ZNF214: variants seen among roughly 807,000 people sequenced by gnomAD.
The protein encoded by ZNF214 is zinc finger protein 214.
ZNF214 carries 43 observed loss-of-function variants against 53.9 expected under a neutral mutation model. That is an observed-to-expected ratio of 0.80 (90% confidence interval 0.63 to 1.03). The LOEUF (loss-of-function observed/expected upper bound fraction) is 1.03, where lower values mean the gene tolerates loss of function less well. Ranked by LOEUF, ZNF214 falls within the 50% of genes least tolerant of loss-of-function variation. The pLI, the probability that ZNF214 is intolerant of heterozygous loss-of-function variation, is 0.00. For missense variants in ZNF214, 724 were observed against 719.1 expected (o/e 1.01, Z -0.08); for synonymous variants, 217 against 229.5 (o/e 0.95, Z 0.49).
At chr11:7,012,448 TG>T (rs367868695) in intron 1 of ZNF214, among the ~76,000 whole-genome samples, 58 of 151,742 alleles carry the variant, frequency 3.8e-4, no homozygotes, top group African/African-American at 1.4e-3. Flanking sequence ...ATGGAATTAA[TG>T]AAAAAAAAGA....
chr11:6,997,728 A>ATTTTTCT lies in ZNF214; in HGVS notation c.*2133_*2134insAGAAAAA. ...GTAGCAACTAAAAACAGAAATGACC[A>ATTTTTCT]GTTAAATTTGAATTTCAAATGTATG... On this transcript the variant is annotated 3_prime_UTR_variant, in exon 3 of 3. Coordinates refer to ENST00000278314, the MANE Select transcript of ZNF214 (RefSeq NM_013249.4). 6.6e-6 allele frequency among the ~76,000 whole-genome samples: 1 copy of ATTTTTCT among 151,984 alleles called. No homozygotes were observed. Among genetic ancestry groups the ATTTTTCT allele is most frequent in the East Asian group, 1.9e-4 (1 of 5,178 alleles).
chr11:7,009,178 A>T (rs1227451590), intron 1 of ZNF214, among the ~76,000 whole-genome samples: 2 of 152,154 alleles, frequency 1.3e-5, no homozygotes, highest in African/African-American at 4.8e-5. Flanking sequence ...CTGACTTCAA[A>T]CTACAAAGCT....
rs1851231360 is a variant in ZNF214, at chr11:6,998,206, C to A, written c.*1656G>T. On this transcript the variant is annotated 3_prime_UTR_variant, in exon 3 of 3. Coordinates refer to ENST00000278314, the MANE Select transcript of ZNF214 (RefSeq NM_013249.4). ...TACTGTTGCAGAGCTCTGTATCCAC[C>A]CTCCCTTTCTGGTTTTGCAGATAAC... is the stretch of plus-strand genomic sequence containing the variant. Among the ~76,000 whole-genome samples, 1 of 151,884 alleles carries A rather than the reference C, an allele frequency of 6.6e-6. No homozygotes were observed. The highest frequency in any genetic ancestry group is 2.4e-5 in the African/African-American group (1 of 41,396).
rs538312769 is a variant in ZNF214, at chr11:7,000,036, T to G, written c.1647A>C (p.Thr549=). The G allele has an allele frequency of 2.5e-6, 4 of 1,613,386 alleles. No homozygotes were observed. The South Asian group carries it at 4.4e-5, about 18-fold the overall frequency. ...SNLHIHQRVH[T]GEKPYQCAKC... is the part of the protein sequence containing the mutation. ...TAGCACATTGATAAGGCTTCTCTCC[T>G]GTATGGACCCTCTGATGAATGTGAA... Residue 549 remains threonine, a synonymous_variant, in exon 3 of 3, where the codon ACA becomes ACC. Transcript: ENST00000278314.
At position 6,998,784 on chromosome 11, in the gene ZNF214, A is replaced by G. The variant is rs1258872131; in HGVS notation, c.*1078T>C. ...GGCAATAAGTTTCCAGGTCTTTAGG[A>G]TGATATTCTTTTCTTCAGTATTGCA... On this transcript the variant is annotated 3_prime_UTR_variant, in exon 3 of 3. Transcript: ENST00000278314. 6.6e-6 allele frequency among the ~76,000 whole-genome samples: 1 copy of G among 151,942 alleles called. No homozygotes were observed. Among genetic ancestry groups the G allele is most frequent in the Non-Finnish European group, 1.5e-5 (1 of 67,926 alleles).
chr11:7,017,740 A>C (rs925015235), intron 1 of ZNF214, among the ~76,000 whole-genome samples: 4 of 150,472 alleles, frequency 2.7e-5, no homozygotes, highest in African/African-American at 9.7e-5. Context: ...CTCCGTCTCA[A>C]AAAAAAAAAA....
intron 1 of ZNF214, among the ~76,000 whole-genome samples, chr11:7,012,764 CA>C (rs1208537267): frequency 6.6e-6 from 1 of 152,154 alleles, no homozygotes; most frequent in Non-Finnish European, 1.5e-5. Flanking sequence ...TTCAAGACGT[CA>C]GAAATAAAGT....
At chr11:7,013,654 C>T (rs1490454602) in intron 1 of ZNF214, among the ~76,000 whole-genome samples, 1 of 152,162 alleles carries the variant, frequency 6.6e-6, no homozygotes, top group Non-Finnish European at 1.5e-5. Flanking sequence ...CTGGTGTTCC[C>T]ACCTCCTTTT....
At chr11:7,006,573 C>T (rs997837577) in intron 1 of ZNF214, among the ~76,000 whole-genome samples, 1 of 151,892 alleles carries the variant, frequency 6.6e-6, no homozygotes, top group Non-Finnish European at 1.5e-5. Context: ...ACATTATTGA[C>T]CTTTTATTGT....
Position 7,012,463 on chromosome 11 carries a change from A to T in ZNF214, c.-21+7610T>A, listed in dbSNP as rs545381281. On this transcript the variant is annotated intron_variant, in intron 1 of 2. Transcript: ENST00000278314. ...ATGGAATTAATGAAAAAAAAGATGG[A>T]ATTTGAAAACATTTACCACTGTTAA... 2.6e-5 allele frequency among the ~76,000 whole-genome samples: 4 copies of T among 152,278 alleles called. No homozygotes were observed. In the South Asian group the frequency reaches 8.3e-4, roughly 32 times the overall value.
In ZNF214 at chr11:7,000,178, T is replaced by A; in HGVS notation, c.1505A>T (p.Glu502Val). ...ACGCTGACTGAATCCCTTGCCACAC[T>A]CTTCACATTTGTAGGGTTTCTCTCC... ...HTGEKPYKCE[E>V]CGKGFSQRSH... The change falls in exon 3 of 3, where the codon GAG becomes GTG. Residue 502 changes from glutamate to valine, a missense_variant. Transcript: ENST00000278314. The A allele has an allele frequency of 6.2e-7, 1 of 1,613,336 alleles. No individual in the cohort carries two copies. Among genetic ancestry groups the A allele is most frequent in the Non-Finnish European group, 8.5e-7 (1 of 1,179,592 alleles).
At chr11:7,005,516 GT>G (rs1406429244) in intron 1 of ZNF214, among the ~76,000 whole-genome samples, 1 of 152,056 alleles carries the variant, frequency 6.6e-6, no homozygotes, top group African/African-American at 2.4e-5. Context: ...TCTGGCTAAT[GT>G]TTTCTTGTGG....
chr11:7,001,086 C>A lies in ZNF214; in HGVS notation c.597G>T (p.Gln199His). The A allele has an allele frequency of 6.2e-7, 1 of 1,613,372 alleles. No homozygotes were observed. Among genetic ancestry groups the A allele is most frequent in the Non-Finnish European group, 8.5e-7 (1 of 1,179,596 alleles). ...CTTCTTGACATATCACCCCAACATA[C>A]TGTGGAAGGGCTTCCTCCACTGGGA... ...SYIPVEEALP[Q>H]YVGVICQEDL... Residue 199 changes from glutamine (Q) to histidine (H), a missense_variant, in exon 3 of 3, where the codon CAG becomes CAT. Transcript: ENST00000278314.
chr11:7,014,567 C>A (rs1268053786), intron 1 of ZNF214, among the ~76,000 whole-genome samples: 1 of 151,890 alleles, frequency 6.6e-6, no homozygotes, highest in Non-Finnish European at 1.5e-5. Flanking sequence ...TAGTTAAAAG[C>A]GCAGGAAAAA....
chr11:7,013,374 G>A (rs1276671627), intron 1 of ZNF214, among the ~76,000 whole-genome samples: 1 of 152,190 alleles, frequency 6.6e-6, no homozygotes, highest in Non-Finnish European at 1.5e-5. Context: ...GGAAACTGAG[G>A]CAGGGTTTGC....
At chr11:7,007,182 T>C (rs1258903376) in intron 1 of ZNF214, among the ~76,000 whole-genome samples, 2 of 151,514 alleles carry the variant, frequency 1.3e-5, no homozygotes, top group Admixed American at 6.6e-5. Context: ...TCAGTAGGGG[T>C]AAATAAAAGT....
intron 1 of ZNF214, among the ~76,000 whole-genome samples, chr11:7,004,660 A>C (rs933267639): frequency 6.6e-6 from 1 of 152,096 alleles, no homozygotes; most frequent in South Asian, 2.1e-4. Flanking sequence ...GGGAAAAGCT[A>C]TATGTCATGT....
intron 1 of ZNF214, chr11:7,019,697 C>T (rs1211251028): frequency 6.6e-6 from 1 of 152,238 alleles, no homozygotes; most frequent in Non-Finnish European, 1.5e-5. Flanking sequence ...AAAATGGGGG[C>T]ATGAGCCTTT....
At chr11:7,006,963 G>C (rs981807355) in intron 1 of ZNF214, among the ~76,000 whole-genome samples, 1 of 151,970 alleles carries the variant, frequency 6.6e-6, no homozygotes. Flanking sequence ...CCTTGGTGAA[G>C]TTTATTGTTA....
Sources: allele counts gnomAD v4.1 joint callset (sites outside exome capture counted in the v4.1 genomes callset), GRCh38; gene constraint gnomAD v4.1.1; transcripts MANE v1.5; gene names NCBI Gene and HGNC (gene_info 2026-07-23, HGNC 2026-07-21).